E2F4: variants seen among roughly 807,000 people sequenced by gnomAD.
The protein encoded by E2F4 is E2F transcription factor 4.
A neutral mutation model predicts 44.5 loss-of-function variants in E2F4; 16 were observed. The observed-to-expected ratio is 0.36, with a 90% CI of 0.24 to 0.55. The LOEUF (loss-of-function observed/expected upper bound fraction) is 0.55. Ranked by LOEUF, E2F4 falls within the 20% of genes least tolerant of loss-of-function variation. The probability of loss-of-function intolerance (pLI) is 0.87; values close to 1 mark genes in which losing one functional copy is unlikely to be tolerated. For synonymous variants in E2F4, 242 were observed against 207.2 expected (o/e 1.17, Z -1.44); for missense variants, 473 against 522.1 (o/e 0.91, Z 0.92).
chr16:67,192,920 G>A, intron 2 of E2F4, 50 bp downstream of exon 2: 2 of 1,575,650 alleles, frequency 1.3e-6, no homozygotes, highest in Non-Finnish European at 8.6e-7. Context: ...CAGAAGTGTC[G>A]GGCGTGGGGT....
intron 6 of E2F4, chr16:67,195,513 C>T (rs1410709137): frequency 5.1e-6 from 3 of 590,658 alleles, no homozygotes; most frequent in East Asian, 6.5e-5. Flanking sequence ...GATCCACATC[C>T]ACTGGTGTCT....
intron 5 of E2F4, 110 bp from the exon 6 acceptor site, chr16:67,194,576 G>A: frequency 6.4e-7 from 1 of 1,569,640 alleles, no homozygotes; most frequent in East Asian, 2.3e-5. Flanking sequence ...TATCTAGGAG[G>A]ATGGGCATCC....
intron 6 of E2F4, 49 bp downstream of exon 6, chr16:67,195,029 T>C: frequency 6.4e-7 from 1 of 1,573,838 alleles, no homozygotes; most frequent in South Asian, 1.2e-5. Context: ...GTAGTATCTC[T>C]GTGTTGTGGA....
intron 7 of E2F4, among the ~76,000 whole-genome samples, chr16:67,196,810 T>C (rs1597276735): frequency 6.6e-6 from 1 of 152,214 alleles, no homozygotes; most frequent in African/African-American, 2.4e-5. Context: ...TATCCAGGCC[T>C]GACCCTTGGC....
chr16:67,197,503 C>G, intron 7 of E2F4, 96 bp from the exon 8 acceptor site: 35 of 1,282,432 alleles, frequency 2.7e-5, no homozygotes, highest in Non-Finnish European at 3.9e-5. Context: ...TGTGTGGAGC[C>G]TCAGGGTGGG....
chr16:67,194,974 A>T lies in E2F4; in HGVS notation c.802A>T (p.Ile268Phe). The T allele has an allele frequency of 1.9e-6, 3 of 1,612,872 alleles. No individual in the cohort carries two copies. The South Asian group carries it at 3.3e-5, about 18-fold the overall frequency. ...VQGMAGPAAEITVSGGPGTDS... is the reference protein window; with the variant it reads ...VQGMAGPAAEFTVSGGPGTDS... ...GGGAATGGCTGGCCCAGCAGCTGAG[A>T]TCACAGGTGAGGCACCATGGGAGCT... Residue 268 changes from isoleucine to phenylalanine, a missense_variant, in exon 6 of 10, where the codon ATC becomes TTC. Physicochemically the swap from Ile to Phe is conservative, Grantham distance 21 (BLOSUM62 0). Transcript: ENST00000379378.
intron 7 of E2F4, among the ~76,000 whole-genome samples, chr16:67,197,016 C>G (rs528050686): frequency 4.1e-4 from 62 of 152,318 alleles, no homozygotes; most frequent in East Asian, 1.2e-3. Flanking sequence ...TTCTGAAATG[C>G]AGGCCTGACA....
At chr16:67,192,461 C>A in intron 1 of E2F4, 99 bp downstream of exon 1, 2 of 1,360,024 alleles carry the variant, frequency 1.5e-6, no homozygotes, top group Non-Finnish European at 1.9e-6. Context: ...CTCCGAGAGC[C>A]GGCCGCCATC....
intron 4 of E2F4, 132 bp from the exon 5 acceptor site, chr16:67,194,265 TG>T: frequency 1.1e-6 from 1 of 908,712 alleles, no homozygotes. Flanking sequence ...CTGGCCACTA[TG>T]GGGGATGGGT....
intron 9 of E2F4, 33 bp from the exon 10 acceptor site, chr16:67,197,975 T>C: frequency 6.2e-7 from 1 of 1,614,010 alleles, no homozygotes; most frequent in South Asian, 1.1e-5. Context: ...AGGGGAGCCC[T>C]GGCCCAGGGC....
In E2F4 at chr16:67,197,667, C is replaced by G. The variant is rs775619297; in HGVS notation, c.1081+21C>G. 4 of 1,613,802 alleles carry G rather than the reference C, an allele frequency of 2.5e-6. No individual in the cohort carries two copies. In the South Asian group the frequency reaches 4.4e-5, roughly 18 times the overall value. On this transcript the variant is annotated intron_variant, in intron 8 of 9. Coordinates refer to ENST00000379378, the MANE Select transcript of E2F4 (RefSeq NM_001950.4). Reference sequence around the variant, plus strand: ...ACGAGGTAGGCTGCTGCATTCCTCCCTGAGGCTAGGGGTAAGGGACACAGC... The same window carrying G: ...ACGAGGTAGGCTGCTGCATTCCTCCGTGAGGCTAGGGGTAAGGGACACAGC...
chr16:67,198,378 C>T lies in E2F4; in HGVS notation c.*255C>T, dbSNP rs1250124542. 1.9e-5 allele frequency: 9 copies of T among 482,338 alleles called. No individual in the cohort carries two copies. The highest frequency in any genetic ancestry group is 3.4e-5 in the Non-Finnish European group (9 of 264,000). The allele number at this position is 482,338 out of a possible 1,614,324, so 29.9% of individuals were successfully genotyped here. ...TTTGCTTCTCCCTTTCTGCGGCCTT[C>T]GCCAGCCCAGGCTCGGCTGCCACCC... On this transcript the variant is annotated 3_prime_UTR_variant, in exon 10 of 10. Transcript: ENST00000379378.
intron 4 of E2F4, 96 bp downstream of exon 4, chr16:67,193,611 G>A: frequency 2.2e-6 from 3 of 1,385,842 alleles, no homozygotes; most frequent in Non-Finnish European, 3.1e-6. Flanking sequence ...TGTCTCTTAA[G>A]AGGGTTTCTG....
Position 67,194,845 on chromosome 16 carries a change from C to G in E2F4, c.673C>G (p.Pro225Ala). 6.2e-7 allele frequency: 1 copy of G among 1,614,198 alleles called. No individual in the cohort carries two copies. Among genetic ancestry groups the G allele is most frequent in the Non-Finnish European group, 8.5e-7 (1 of 1,180,034 alleles). The change falls in exon 6 of 10, where the codon CCT (proline) becomes GCT (alanine). Residue 225 changes from proline (P) to alanine (A), a missense_variant. Physicochemically the swap from Pro to Ala is conservative, Grantham distance 27. Around this residue, in one of 3 missense-constraint regions of E2F4, gnomAD observed 314 missense variants for 315.6 expected, o/e 0.99. Coordinates refer to ENST00000379378, the MANE Select transcript of E2F4 (RefSeq NM_001950.4). The stretch of plus-strand genomic sequence containing the variant: ...CCAGAGCCCATCTGCTGTTTCTACA[C>G]CTCCACCTCTGCCCAAGCCTGCCCT... ...LLQSPSAVST[P>A]PPLPKPALAQ...
At position 67,198,306 on chromosome 16, in the gene E2F4, A is replaced by G; in HGVS notation, c.*183A>G. 1.6e-6 allele frequency: 1 copy of G among 606,570 alleles called. No individual in the cohort carries two copies. The highest frequency in any genetic ancestry group is 1.9e-5 in the South Asian group (1 of 52,758). 37.6% of individuals were successfully genotyped at this position (606,570 alleles called of 1,614,324 possible). A position where few individuals can be genotyped will look rare whatever the true frequency, so the allele number is the denominator to read the frequency against. ...CCTGTGCTGGCACTTCTGTGCTCGC[A>G]GAGCAGGGGAACAGGACTCAGCCCC... On this transcript the variant is annotated 3_prime_UTR_variant, in exon 10 of 10. Transcript: ENST00000379378.
Position 67,196,025 on chromosome 16 carries a change from G to C in E2F4, c.1033+19G>C, listed in dbSNP as rs374152056. On this transcript the variant is annotated intron_variant, in intron 7 of 9. Transcript: ENST00000379378. ...ACAGGTGGTGAGTACCTGCCCCCTG[G>C]GGGCAGAGAGAGAGAGTCTAGCCTC... 2.8e-4 allele frequency: 454 copies of C among 1,612,634 alleles called. No individual in the cohort carries two copies. The highest frequency in any genetic ancestry group is 3.8e-4 in the Non-Finnish European group (443 of 1,178,792).
At chr16:67,195,120 T>A in intron 6 of E2F4, 140 bp downstream of exon 6, 1 of 1,119,010 alleles carries the variant, frequency 8.9e-7, no homozygotes, top group Non-Finnish European at 1.2e-6. Flanking sequence ...CTTGCTATGG[T>A]AATGAATGAG....
chr16:67,198,140 C>T lies in E2F4; in HGVS notation c.*17C>T, dbSNP rs758630000. 6.2e-7 allele frequency: 1 copy of T among 1,608,696 alleles called. No individual in the cohort carries two copies. The highest frequency in any genetic ancestry group is 1.1e-5 in the South Asian group (1 of 90,992). ...AACCTCTGACTGACAGGGACATGCC[C>T]TGTGTGGCTGGGACCCAGACTGTCT... On this transcript the variant is annotated 3_prime_UTR_variant, in exon 10 of 10. Coordinates refer to ENST00000379378, the MANE Select transcript of E2F4 (RefSeq NM_001950.4).
intron 1 of E2F4, 130 bp downstream of exon 1, chr16:67,192,492 G>C: frequency 7.9e-7 from 1 of 1,273,708 alleles, no homozygotes; most frequent in African/African-American, 1.5e-5. Context: ...TCACAGGAGA[G>C]AAGCCGGGGG....
Sources: gnomAD v4.1 joint callset for allele counts (sites outside exome capture counted in the v4.1 genomes callset) on GRCh38, gnomAD v4.1.1 for gene constraint, gnomAD v4.1.1 regional missense constraint, MANE v1.5 for transcripts, NCBI Gene and HGNC (gene_info 2026-07-23, HGNC 2026-07-21) for gene names.